Variants in CDH20 observed in about 807,000 individuals in gnomAD.
The protein encoded by CDH20 is cadherin-20.
A neutral mutation model predicts 74.2 loss-of-function variants in CDH20; 29 were observed. That is an observed-to-expected ratio of 0.39 (90% CI 0.29 to 0.53). The LOEUF is 0.53. CDH20 is among the 20% of genes least tolerant of loss of function. CDH20 has a pLI of 0.69. For synonymous variants in CDH20, 469 were observed against 405.4 expected (o/e 1.16, Z -1.88); for missense variants, 988 against 1,048.3 (o/e 0.94, Z 0.79).
At chr18:61,532,116 G>C (rs1033595303) in intron 7 of CDH20, among the ~76,000 whole-genome samples, 1 of 152,164 alleles carries the variant, frequency 6.6e-6, no homozygotes, top group Non-Finnish European at 1.5e-5. Flanking sequence ...GACTGCCTGG[G>C]CTTGATTCCC....
intron 1 of CDH20, among the ~76,000 whole-genome samples, chr18:61,449,897 G>A (rs1909324425): frequency 6.6e-6 from 1 of 151,872 alleles, no homozygotes; most frequent in African/African-American, 2.4e-5. Flanking sequence ...GATATGACAT[G>A]GGATAAATTA....
At chr18:61,391,728 T>A (rs1263157228) in intron 1 of CDH20, 1 of 151,810 alleles carries the variant, frequency 6.6e-6, no homozygotes, top group Non-Finnish European at 1.5e-5. Flanking sequence ...CCTGTACATG[T>A]ATCCTGGAAC....
At chr18:61,517,579 T>A (rs968107358) in intron 6 of CDH20, among the ~76,000 whole-genome samples, 3 of 152,148 alleles carry the variant, frequency 2.0e-5, no homozygotes, top group Non-Finnish European at 4.4e-5. Flanking sequence ...TTTCCCATGG[T>A]CTTTGCAACC....
rs1568123818 is a variant in CDH20 at position 61,396,053 on chromosome 18, T to TGTGTG, written c.-153+62226_-153+62227insGTGTG. ...GTGCACTCACAGAGTGTGTGTGTGT[T>TGTGTG]TGTGTGTGTGTGTGTGTGTTCATGC... On this transcript the variant is annotated intron_variant, in intron 1 of 11. Transcript: ENST00000262717. Among the ~76,000 whole-genome samples, 269 of 142,826 alleles carry TGTGTG rather than the reference T, an allele frequency of 1.9e-3. 1 individual carries two copies. The highest frequency in any genetic ancestry group is 2.1e-3 in the Non-Finnish European group (131 of 63,000). 93.7% of individuals were successfully genotyped at this position (142,826 alleles called of 152,430 possible). A position where few individuals can be genotyped will look rare whatever the true frequency, so the allele number is the denominator to read the frequency against.
intron 1 of CDH20, among the ~76,000 whole-genome samples, chr18:61,456,048 T>C (rs2144348239): frequency 6.6e-6 from 1 of 152,300 alleles, no homozygotes; most frequent in Non-Finnish European, 1.5e-5. Context: ...TTCTAAAAAA[T>C]GAACTCTCAT....
At chr18:61,467,555 C>T (rs962498336) in intron 1 of CDH20, among the ~76,000 whole-genome samples, 1 of 152,152 alleles carries the variant, frequency 6.6e-6, no homozygotes, top group Admixed American at 6.5e-5. Context: ...TAGAAAAATT[C>T]ACTCCCTCCC....
intron 1 of CDH20, among the ~76,000 whole-genome samples, chr18:61,430,090 C>T (rs551463480): frequency 6.6e-6 from 1 of 151,750 alleles, no homozygotes; most frequent in African/African-American, 2.4e-5. Context: ...TTTCATTGTC[C>T]CCTTACTCCT....
chr18:61,493,195 C>A (rs1414927699), intron 2 of CDH20, among the ~76,000 whole-genome samples: 1 of 152,154 alleles, frequency 6.6e-6, no homozygotes, highest in African/African-American at 2.4e-5. Flanking sequence ...CCTTCACGTG[C>A]AATCGGTCCC....
chr18:61,528,356 G>GTT, intron 7 of CDH20, 136 bp downstream of exon 7: 2 of 823,198 alleles, frequency 2.4e-6, no homozygotes, highest in Admixed American at 2.7e-5. Flanking sequence ...AGTTTTTTGT[G>GTT]TTGTTTTTTT....
chr18:61,512,436 T>TC (rs1460451465), intron 6 of CDH20, among the ~76,000 whole-genome samples: 15 of 152,190 alleles, frequency 9.9e-5, no homozygotes, highest in Admixed American at 5.2e-4. Flanking sequence ...TGTCATGAAT[T>TC]ATAAATCTCA....
At chr18:61,501,604 A>G (rs1911387040) in intron 4 of CDH20, among the ~76,000 whole-genome samples, 1 of 152,218 alleles carries the variant, frequency 6.6e-6, no homozygotes, top group Admixed American at 6.5e-5. Context: ...ATACATTTCT[A>G]TTATTAGCAA....
chr18:61,363,250 T>C (rs1910757875), intron 1 of CDH20, among the ~76,000 whole-genome samples: 1 of 152,160 alleles, frequency 6.6e-6, no homozygotes, highest in African/African-American at 2.4e-5. Flanking sequence ...GTAAGCAGTA[T>C]TGGCAGCTAC....
intron 7 of CDH20, among the ~76,000 whole-genome samples, chr18:61,532,750 A>T (rs1706772827): frequency 6.6e-6 from 1 of 152,150 alleles, no homozygotes; most frequent in Admixed American, 6.5e-5. Flanking sequence ...GAAAATGTTT[A>T]TTCCCTCCAA....
At chr18:61,532,486 T>C (rs1912677172) in intron 7 of CDH20, among the ~76,000 whole-genome samples, 1 of 151,856 alleles carries the variant, frequency 6.6e-6, no homozygotes, top group Non-Finnish European at 1.5e-5. Context: ...ACAATACATT[T>C]TACCAACGAT....
chr18:61,466,276 T>C (rs1427847218), intron 1 of CDH20, among the ~76,000 whole-genome samples: 1 of 152,200 alleles, frequency 6.6e-6, no homozygotes, highest in Non-Finnish European at 1.5e-5. Flanking sequence ...TTCCTGTTAG[T>C]ATAGTTGTAC....
At chr18:61,347,410 C>T (rs945114007) in intron 1 of CDH20, among the ~76,000 whole-genome samples, 2 of 147,574 alleles carry the variant, frequency 1.4e-5, no homozygotes, top group Admixed American at 1.4e-4. Context: ...ATCACAGCTA[C>T]ATGGGAGGCT....
intron 1 of CDH20, among the ~76,000 whole-genome samples, chr18:61,398,787 A>T (rs1158154195): frequency 6.6e-6 from 1 of 152,164 alleles, no homozygotes; most frequent in Non-Finnish European, 1.5e-5. Flanking sequence ...GCCCAGTCAC[A>T]AAGAAGCATG....
intron 1 of CDH20, chr18:61,404,864 T>C: frequency 2.1e-6 from 1 of 480,272 alleles, no homozygotes; most frequent in Non-Finnish European, 3.7e-6. Flanking sequence ...TGGTTTATTT[T>C]TCACCAGTCT....
intron 1 of CDH20, among the ~76,000 whole-genome samples, chr18:61,417,299 G>A (rs1912717575): frequency 6.6e-6 from 1 of 151,978 alleles, no homozygotes; most frequent in East Asian, 1.9e-4. Flanking sequence ...ATACCTGTAA[G>A]GGTATTTAGA....
Sources: allele counts gnomAD v4.1 joint callset (sites outside exome capture counted in the v4.1 genomes callset), GRCh38; gene constraint gnomAD v4.1.1; transcripts MANE v1.5; gene names NCBI Gene and HGNC (gene_info 2026-07-23, HGNC 2026-07-21).